Variants in JAG2 observed in about 807,000 individuals in gnomAD.
JAG2 encodes the protein jagged canonical Notch ligand 2.
A neutral mutation model predicts 141.7 loss-of-function variants in JAG2; 46 were observed. That is an observed-to-expected ratio of 0.32 (90% CI 0.26 to 0.42). JAG2 has a LOEUF of 0.42. Ranked by LOEUF, JAG2 falls within the 10% of genes least tolerant of loss-of-function variation. The pLI, the probability that JAG2 is intolerant of heterozygous loss-of-function variation, is 1.00. For synonymous variants in JAG2, 862 were observed against 763.5 expected, an observed-to-expected ratio of 1.13 and a Z score of -2.13; for missense variants, 1,500 against 1,817.5, an observed-to-expected ratio of 0.83 and a Z score of 3.18.
Position 105,148,990 on chromosome 14 carries a change from C to T in JAG2, c.1853G>A (p.Gly618Asp), listed in dbSNP as rs1297492974. 1 of 1,607,596 alleles carries T rather than the reference C, an allele frequency of 6.2e-7. No individual in the cohort carries two copies. The highest frequency in any genetic ancestry group is 1.7e-5 in the Admixed American group (1 of 59,466). Residue 618 changes from glycine (G) to aspartate (D), a missense_variant, in exon 14 of 26, where the codon GGC (glycine) becomes GAC (aspartate). By Grantham distance (94) the Gly-to-Asp change is moderately conservative. Transcript: ENST00000331782. ...ACTGTCACAGATGCAGGAAAAGTTGCCCCCTGGCTGGCTGACGCAGCGTCC... is the reference window on the plus strand; with the variant it reads ...ACTGTCACAGATGCAGGAAAAGTTGTCCCCTGGCTGGCTGACGCAGCGTCC... Reference protein sequence around the residue: ...PHGRCVSQPGGNFSCICDSGF... With the variant: ...PHGRCVSQPGDNFSCICDSGF...
chr14:105,148,552 G>A (rs1210947016), intron 15 of JAG2, 113 bp from the exon 16 acceptor site: 6 of 855,604 alleles, frequency 7.0e-6, no homozygotes, highest in Admixed American at 4.3e-5. Flanking sequence ...GGGCGGGGGA[G>A]GAGCGTCGGG....
chr14:105,161,265 A>C (rs1002425995), intron 2 of JAG2, among the ~76,000 whole-genome samples: 1 of 151,980 alleles, frequency 6.6e-6, no homozygotes, highest in East Asian at 1.9e-4. Flanking sequence ...AGGCTTTAAC[A>C]GTCACTGTAG....
At chr14:105,158,844 G>A (rs989005338) in intron 2 of JAG2, among the ~76,000 whole-genome samples, 8 of 152,004 alleles carry the variant, frequency 5.3e-5, no homozygotes, top group Non-Finnish European at 1.0e-4. Flanking sequence ...GTCCAGGCAG[G>A]CCAGGCTCAC....
At chr14:105,150,547 G>A in intron 12 of JAG2, 57 bp downstream of exon 12, 7 of 1,495,058 alleles carry the variant, frequency 4.7e-6, no homozygotes, top group Non-Finnish European at 6.3e-6. Context: ...AGGGGACGAG[G>A]CCTGCCCTAC....
rs1888994531 is a variant in JAG2, at chr14:105,168,468, G to A, written c.-48C>T. On this transcript the variant is annotated 5_prime_UTR_variant, in exon 1 of 26. Coordinates refer to ENST00000331782, the MANE Select transcript of JAG2 (RefSeq NM_002226.5). ...GGCCCCGCCGCCGCCGCCCGCGCCC[G>A]GCTCCCAGCCGCCGCGCCGGCCTCC... The A allele has an allele frequency of 6.4e-5, 34 of 535,292 alleles. No individual in the cohort carries two copies. The South Asian group carries it at 2.4e-3, about 37-fold the overall frequency. The allele number at this position is 535,292 out of a possible 1,614,324, so 33.2% of individuals were successfully genotyped here. A position where few individuals can be genotyped will look rare whatever the true frequency, so the allele number is the denominator to read the frequency against.
intron 2 of JAG2, among the ~76,000 whole-genome samples, chr14:105,162,706 C>T (rs35321361): frequency 0.23 from 15,304 of 65,894 alleles, 1,033 homozygotes; most frequent in Middle Eastern, 0.29. Flanking sequence ...GTACAGAGTA[C>T]CCTCCTGCCC....
chr14:105,151,611 C>T lies in JAG2; in HGVS notation c.1153+15G>A, dbSNP rs369643590. 24 of 1,583,466 alleles carry T rather than the reference C, an allele frequency of 1.5e-5. No homozygotes were observed. Among genetic ancestry groups the T allele is most frequent in the African/African-American group, 1.2e-4 (9 of 74,576 alleles). Reference sequence around the variant, plus strand: ...ATACTAGGCAGGAGTCCCCTACTCACGTGCAGACACTCACCAAGGGCACAG... The same window carrying T: ...ATACTAGGCAGGAGTCCCCTACTCATGTGCAGACACTCACCAAGGGCACAG... On this transcript the variant is annotated intron_variant, in intron 8 of 25. Transcript: ENST00000331782.
Position 105,144,956 on chromosome 14 carries a change from C to A in JAG2, c.3058G>T (p.Gly1020Trp), listed in dbSNP as rs1888178229. 6 of 1,602,278 alleles carry A rather than the reference C, an allele frequency of 3.7e-6. No homozygotes were observed. Among genetic ancestry groups the A allele is most frequent in the Non-Finnish European group, 5.1e-6 (6 of 1,177,360 alleles). The change falls in exon 24 of 26, where the codon GGG becomes TGG. Residue 1020 changes from glycine (G) to tryptophan (W), a missense_variant. Gly to Trp is a radical substitution (Grantham distance 184). This residue lies in a region of JAG2 where 425 missense variants were observed against 441.0 expected (regional missense o/e 0.96). Coordinates refer to ENST00000331782, the MANE Select transcript of JAG2 (RefSeq NM_002226.5). ...LVLLCDRASS[G>W]ASAVEVAVSF... ...ACGGCCACCTCCACAGCACTGGCCCCCGAGGACGCCCGGTCGCAAAGCAAC... is the reference window on the plus strand; with the variant it reads ...ACGGCCACCTCCACAGCACTGGCCCACGAGGACGCCCGGTCGCAAAGCAAC...
chr14:105,162,701 GAGTACCCTCCT>G (rs1888788683), intron 2 of JAG2, among the ~76,000 whole-genome samples: 1 of 34,746 alleles, frequency 2.9e-5, no homozygotes, highest in Non-Finnish European at 6.6e-5. Flanking sequence ...CCAAAGTACA[GAGTACCCTCCT>G]GCCCAGGGCA....
chr14:105,141,863 G>A lies in JAG2; in HGVS notation c.*832C>T, dbSNP rs901413921. On this transcript the variant is annotated 3_prime_UTR_variant, in exon 26 of 26. Transcript: ENST00000331782. The stretch of plus-strand genomic sequence containing the variant: ...TGGGCAGCGCCTGGTGCCACGGCAC[G>A]CGTGGACAGTTGCGAGGGGTCTGTG... 5.9e-5 allele frequency: 9 copies of A among 152,604 alleles called. No homozygotes were observed. Among genetic ancestry groups the A allele is most frequent in the African/African-American group, 1.2e-4 (5 of 41,468 alleles). 9.5% of individuals were successfully genotyped at this position (152,604 alleles called of 1,614,324 possible). A position where few individuals can be genotyped will look rare whatever the true frequency, so the allele number is the denominator to read the frequency against.
intron 25 of JAG2, 104 bp from the exon 26 acceptor site, chr14:105,143,274 GC>G: frequency 1.4e-6 from 2 of 1,404,268 alleles, no homozygotes; most frequent in Non-Finnish European, 1.9e-6. Context: ...AGGCGGCCGG[GC>G]CCCACCCTCC....
rs1424998536 is a variant in JAG2, at chr14:105,148,797, G to A, written c.1968C>T (p.Asp656=). ...CGCTGGGGCAGAAGCAGCGGAAGGC[G>A]TCCACCTCATCGATGCATGTGCCCC... ...RNGGTCIDEV[D]AFRCFCPSGW... The change falls in exon 15 of 26, where the codon GAC becomes GAT. Residue 656 remains aspartate, a synonymous_variant. Transcript: ENST00000331782. 29 of 1,597,348 alleles carry A rather than the reference G, an allele frequency of 1.8e-5. No homozygotes were observed. Among genetic ancestry groups the A allele is most frequent in the South Asian group, 3.4e-5 (3 of 88,566 alleles).
At chr14:105,149,127 C>CG in intron 13 of JAG2, 38 bp from the exon 14 acceptor site, 27 of 1,580,512 alleles carry the variant, frequency 1.7e-5, no homozygotes, top group African/African-American at 2.7e-5. Context: ...AGGCCCGCCC[C>CG]TGCCCCACCA....
intron 2 of JAG2, among the ~76,000 whole-genome samples, chr14:105,165,609 C>T (rs1022817891): frequency 6.6e-6 from 1 of 152,190 alleles, no homozygotes; most frequent in Non-Finnish European, 1.5e-5. Context: ...AGAAGCCAGG[C>T]CAGGGGGCAG....
At position 105,151,271 on chromosome 14, in the gene JAG2, C is replaced by G. The variant is rs112817342; in HGVS notation, c.1267+12G>C. 1.9e-6 allele frequency: 3 copies of G among 1,609,154 alleles called. No individual in the cohort carries two copies. Among genetic ancestry groups the G allele is most frequent in the Admixed American group, 1.7e-5 (1 of 59,836 alleles). On this transcript the variant is annotated intron_variant, in intron 9 of 25. Coordinates refer to ENST00000331782, the MANE Select transcript of JAG2 (RefSeq NM_002226.5). ...CGGCCCACGTTCCCATGCACTCGCT[C>G]GGAGCCCTTACCCAGCTGGCAGGTG...
Position 105,151,295 on chromosome 14 carries a change from T to C in JAG2, c.1255A>G (p.Thr419Ala), listed in dbSNP as rs1595179035. The change falls in exon 9 of 26, where the codon ACC becomes GCC. Residue 419 changes from threonine (T) to alanine (A), a missense_variant. This residue lies in a region of JAG2 where 875 missense variants were observed against 1,202.2 expected (regional missense o/e 0.73). Transcript: ENST00000331782. ...TCGGAGCCCTTACCCAGCTGGCAGG[T>C]GGCCCCCACCCACTGCTCGGGGCAG... The part of the protein sequence containing the change: ...CICPEQWVGA[T>A]CQLDANECEG... 1.2e-6 allele frequency: 2 copies of C among 1,611,858 alleles called. No individual in the cohort carries two copies. The highest frequency in any genetic ancestry group is 1.7e-6 in the Non-Finnish European group (2 of 1,179,576).
At chr14:105,151,565 C>A in intron 8 of JAG2, 61 bp downstream of exon 8, 1 of 1,439,524 alleles carries the variant, frequency 6.9e-7, no homozygotes, top group East Asian at 2.4e-5. Flanking sequence ...AGCGAGTTGC[C>A]CCACTCCCAG....
Position 105,147,407 on chromosome 14 carries a change from T to C in JAG2, c.2398A>G (p.Asn800Asp). 1.2e-6 allele frequency: 2 copies of C among 1,609,808 alleles called. No homozygotes were observed. Among genetic ancestry groups the C allele is most frequent in the Non-Finnish European group, 1.7e-6 (2 of 1,178,738 alleles). Residue 800 changes from asparagine to aspartate, a missense_variant, in exon 20 of 26, where the codon AAT becomes GAT. Physicochemically the swap from Asn to Asp is conservative, Grantham distance 23. Coordinates refer to ENST00000331782, the MANE Select transcript of JAG2 (RefSeq NM_002226.5). ...ACGCCGTCAACACAGATGCCACCATTGTAGCTGCAGAGCAGAGGGTGGGCA... is the reference window on the plus strand; with the variant it reads ...ACGCCGTCAACACAGATGCCACCATCGTAGCTGCAGAGCAGAGGGTGGGCA... ...TNDCNPLPCY[N>D]GGICVDGVNW...
intron 2 of JAG2, among the ~76,000 whole-genome samples, chr14:105,166,868 G>A (rs1888927568): frequency 6.6e-6 from 1 of 152,302 alleles, no homozygotes; most frequent in African/African-American, 2.4e-5. Context: ...CCCAGTTCCA[G>A]GCCCCCAGCA....
Sources: gnomAD v4.1 joint callset for allele counts (sites outside exome capture counted in the v4.1 genomes callset) on GRCh38, gnomAD v4.1.1 for gene constraint, gnomAD v4.1.1 regional missense constraint, MANE v1.5 for transcripts, NCBI Gene and HGNC (gene_info 2026-07-23, HGNC 2026-07-21) for gene names.